Variants in SMU1 observed in about 807,000 individuals in gnomAD.
The protein encoded by SMU1 is SMU1 DNA replication regulator and spliceosomal factor.
Under a neutral mutation model 62.0 loss-of-function variants are expected in SMU1, and 2 were observed. That is an observed-to-expected ratio of 0.03 (90% CI 0.01 to 0.10). The LOEUF is 0.10. Ranked by LOEUF, SMU1 falls within the 10% of genes least tolerant of loss-of-function variation. The probability of loss-of-function intolerance (pLI) is 1.00; values close to 1 mark genes in which losing one functional copy is unlikely to be tolerated. For synonymous variants in SMU1, 188 were observed against 212.4 expected (o/e 0.89, Z 1.00); for missense variants, 227 against 622.1 (o/e 0.36, Z 6.76).
At chr9:33,071,205 T>TG (rs1010848491) in intron 3 of SMU1, among the ~76,000 whole-genome samples, 9 of 151,060 alleles carry the variant, frequency 6.0e-5, no homozygotes, top group African/African-American at 1.2e-4. Flanking sequence ...AGTAAAAGGC[T>TG]GGGGGGGTGG....
intron 5 of SMU1, 115 bp from the exon 6 acceptor site, chr9:33,060,699 T>TTA: frequency 7.4e-7 from 1 of 1,344,932 alleles, no homozygotes; most frequent in South Asian, 1.3e-5. Flanking sequence ...CTGGCCCATA[T>TTA]TATAGAGTAT....
chr9:33,067,244 G>A (rs1250421689), intron 4 of SMU1, among the ~76,000 whole-genome samples: 1 of 138,766 alleles, frequency 7.2e-6, no homozygotes, highest in Admixed American at 7.8e-5. Flanking sequence ...GTATTGAGGA[G>A]AGTGGGTATA....
At position 33,046,634 on chromosome 9, in the gene SMU1, T is replaced by G. The variant is rs1839188227; in HGVS notation, c.*659A>C. ...GGCCGGGCATGGTGGCTCACGCCTG[T>G]GATCCCAGCACTTTGGGAGGCCAAG... On this transcript the variant is annotated 3_prime_UTR_variant, in exon 12 of 12. Coordinates refer to ENST00000397149, the MANE Select transcript of SMU1 (RefSeq NM_018225.3). 1 of 151,024 alleles carries G rather than the reference T, an allele frequency of 6.6e-6. No homozygotes were observed. The allele number at this position is 151,024 out of a possible 1,614,324, so 9.4% of individuals were successfully genotyped here.
chr9:33,048,090 A>G lies in SMU1; in HGVS notation c.1443+16T>C, dbSNP rs374355531. ...CTACCATATTTCTTTAGATGAACTTAGTAAGTAATACTCACTGTCAAAGTT... is the reference window on the plus strand; with the variant it reads ...CTACCATATTTCTTTAGATGAACTTGGTAAGTAATACTCACTGTCAAAGTT... On this transcript the variant is annotated intron_variant, in intron 11 of 11. Transcript: ENST00000397149. 2.1e-5 allele frequency: 33 copies of G among 1,609,748 alleles called. No homozygotes were observed. The highest frequency in any genetic ancestry group is 2.7e-5 in the African/African-American group (2 of 74,796).
At chr9:33,073,171 C>A (rs914255340) in intron 2 of SMU1, among the ~76,000 whole-genome samples, 4 of 152,004 alleles carry the variant, frequency 2.6e-5, no homozygotes, top group African/African-American at 9.7e-5. Context: ...TCAAGGCTGG[C>A]GAACTGCTTG....
In SMU1 at chr9:33,042,147, G is replaced by GC. The variant is rs11370763; in HGVS notation, c.*5145dup. The GC allele has an allele frequency of 0.33, 49,819 of 152,494 alleles. 8,424 individuals are homozygous for GC. The highest frequency in any genetic ancestry group is 0.37 in the Non-Finnish European group (25,062 of 67,962). 9.4% of individuals were successfully genotyped at this position (152,494 alleles called of 1,614,324 possible). ...AGGTCGGTTGGTGCAAAAGTAATGT[G>GC]CCATTACTTTTAATGGCAAAAACCG... On this transcript the variant is annotated 3_prime_UTR_variant, in exon 12 of 12. Transcript: ENST00000397149.
At chr9:33,060,239 T>C (rs1239628224) in intron 6 of SMU1, among the ~76,000 whole-genome samples, 5 of 152,090 alleles carry the variant, frequency 3.3e-5, no homozygotes, top group Non-Finnish European at 7.4e-5. Context: ...TGGGTTGAAC[T>C]CCTGGGTTCA....
intron 10 of SMU1, among the ~76,000 whole-genome samples, chr9:33,051,414 C>T (rs538527575): frequency 8.4e-4 from 128 of 152,266 alleles, no homozygotes; most frequent in Middle Eastern, 3.4e-3. Flanking sequence ...TTTGTCCAAA[C>T]CTACAGAACA....
chr9:33,058,845 A>G (rs1245781471), intron 6 of SMU1, among the ~76,000 whole-genome samples: 1 of 152,182 alleles, frequency 6.6e-6, no homozygotes, highest in Non-Finnish European at 1.5e-5. Context: ...CAAAATCAAG[A>G]GATAAAAGTC....
Position 33,065,843 on chromosome 9 carries a change from C to A in SMU1, c.501+2981G>T, listed in dbSNP as rs1839413584. 2.6e-5 allele frequency among the ~76,000 whole-genome samples: 4 copies of A among 152,296 alleles called. No homozygotes were observed. The South Asian group carries it at 8.3e-4, about 32-fold the overall frequency. On this transcript the variant is annotated intron_variant, in intron 4 of 11. Coordinates refer to ENST00000397149, the MANE Select transcript of SMU1 (RefSeq NM_018225.3). Reference sequence around the variant, plus strand: ...GGTTGAGGTCCTAGGCTCTGAAAATCTCAGTAGAGCTGAGGACAGGGTGGA... The same window carrying A: ...GGTTGAGGTCCTAGGCTCTGAAAATATCAGTAGAGCTGAGGACAGGGTGGA...
rs545591526 is a variant in SMU1, at chr9:33,042,926, C to T, written c.*4367G>A. ...TCTCAGCTCACTGCAACCTCTGCCT[C>T]CCGGGTTCCAGCTATTCTCCTGCCT... On this transcript the variant is annotated 3_prime_UTR_variant, in exon 12 of 12. Transcript: ENST00000397149. The T allele has an allele frequency of 2.0e-5, 3 of 152,556 alleles. No homozygotes were observed. The highest frequency in any genetic ancestry group is 2.9e-5 in the Non-Finnish European group (2 of 68,220). The allele number at this position is 152,556 out of a possible 1,614,324, so 9.5% of individuals were successfully genotyped here.
chr9:33,069,273 A>T (rs913692122), intron 3 of SMU1, among the ~76,000 whole-genome samples: 7 of 152,154 alleles, frequency 4.6e-5, no homozygotes, highest in Non-Finnish European at 1.0e-4. Flanking sequence ...CCAGTTTTTG[A>T]AAAATTTGCA....
intron 9 of SMU1, 38 bp from the exon 10 acceptor site, chr9:33,053,328 G>C: frequency 6.3e-7 from 1 of 1,580,028 alleles, no homozygotes; most frequent in Non-Finnish European, 8.6e-7. Context: ...CCTTTTTTAG[G>C]TATAAAAATT....
At chr9:33,073,388 T>C (rs1264044386) in intron 2 of SMU1, among the ~76,000 whole-genome samples, 1 of 152,028 alleles carries the variant, frequency 6.6e-6, no homozygotes, top group Non-Finnish European at 1.5e-5. Flanking sequence ...CAGAACAAGA[T>C]CCAGTCTCAA....
At chr9:33,068,378 G>A (rs1193460901) in intron 4 of SMU1, among the ~76,000 whole-genome samples, 1 of 152,206 alleles carries the variant, frequency 6.6e-6, no homozygotes, top group Non-Finnish European at 1.5e-5. Flanking sequence ...AAGAGGGAGA[G>A]TGGAACAGCA....
intron 1 of SMU1, among the ~76,000 whole-genome samples, chr9:33,074,810 C>T (rs1413524140): frequency 6.9e-6 from 1 of 144,846 alleles, no homozygotes; most frequent in Non-Finnish European, 1.5e-5. Context: ...TCACTTGCAT[C>T]GCTCAGGCTG....
chr9:33,045,028 GCAGAAAC>G lies in SMU1; in HGVS notation c.*2258_*2264del, dbSNP rs1839169531. ...ATTTGCTCTTCTTCCCTATGTTTAG[GCAGAAAC>G]GAGTCTTTTTTTAACCATATTCATC... On this transcript the variant is annotated 3_prime_UTR_variant, in exon 12 of 12. Coordinates refer to ENST00000397149, the MANE Select transcript of SMU1 (RefSeq NM_018225.3). The G allele has an allele frequency of 6.6e-6, 1 of 152,100 alleles. No individual in the cohort carries two copies. Among genetic ancestry groups the G allele is most frequent in the South Asian group, 2.1e-4 (1 of 4,828 alleles). The allele number at this position is 152,100 out of a possible 1,614,324, so 9.4% of individuals were successfully genotyped here.
chr9:33,053,516 C>T (rs140801039), intron 9 of SMU1, among the ~76,000 whole-genome samples: 2 of 152,284 alleles, frequency 1.3e-5, no homozygotes, highest in African/African-American at 4.8e-5. Context: ...ATACCAAAAT[C>T]CAAGGATACT....
intron 6 of SMU1, among the ~76,000 whole-genome samples, chr9:33,058,531 G>A (rs767773232): frequency 4.6e-5 from 7 of 152,050 alleles, no homozygotes; most frequent in Non-Finnish European, 8.8e-5. Context: ...TAGCCAGGCC[G>A]GCCTTGAACT....
Sources: gnomAD v4.1 joint callset for allele counts (sites outside exome capture counted in the v4.1 genomes callset) on GRCh38, gnomAD v4.1.1 for gene constraint, MANE v1.5 for transcripts, NCBI Gene and HGNC (gene_info 2026-07-23, HGNC 2026-07-21) for gene names.